TRHDE: variants seen among roughly 807,000 people sequenced by gnomAD.
The protein encoded by TRHDE is thyrotropin releasing hormone degrading enzyme.
In TRHDE, 72 loss-of-function variants were observed where a neutral mutation model predicts 125.7. The ratio of observed to expected loss-of-function variants is 0.57; its 90% CI spans 0.47 to 0.70. The LOEUF is 0.70. Ranked by LOEUF, TRHDE falls within the 30% of genes least tolerant of loss-of-function variation. The pLI, the probability that TRHDE is intolerant of heterozygous loss-of-function variation, is 0.00. For synonymous variants in TRHDE, 509 were observed against 509.1 expected (o/e 1.00, Z 0.00); for missense variants, 1,110 against 1,327.1 (o/e 0.84, Z 2.54).
At chr12:72,363,521 A>C (rs1452289772) in intron 2 of TRHDE, among the ~76,000 whole-genome samples, 1 of 152,100 alleles carries the variant, frequency 6.6e-6, no homozygotes, top group Non-Finnish European at 1.5e-5. Flanking sequence ...GACAAAAGCC[A>C]CATGATTATC....
At chr12:72,660,655 T>G (rs941544330) in intron 18 of TRHDE, among the ~76,000 whole-genome samples, 1 of 152,202 alleles carries the variant, frequency 6.6e-6, no homozygotes, top group Non-Finnish European at 1.5e-5. Flanking sequence ...TGATTAATAA[T>G]GTTTATACTA....
intron 3 of TRHDE, among the ~76,000 whole-genome samples, chr12:72,382,879 A>G (rs1287160143): frequency 1.3e-5 from 2 of 152,116 alleles, no homozygotes; most frequent in African/African-American, 4.8e-5. Context: ...CTGCAGCCTC[A>G]TCTCATGCTA....
intron 15 of TRHDE, among the ~76,000 whole-genome samples, chr12:72,623,832 G>A (rs542009772): frequency 3.3e-5 from 5 of 152,024 alleles, no homozygotes; most frequent in South Asian, 2.1e-4. Context: ...TAATAATTGC[G>A]GTCACGTTTG....
intron 3 of TRHDE, among the ~76,000 whole-genome samples, chr12:72,403,009 A>C (rs993173297): frequency 1.3e-5 from 2 of 152,214 alleles, no homozygotes; most frequent in Admixed American, 1.3e-4. Flanking sequence ...TTCTGGCAGA[A>C]GATCACATAC....
intron 2 of TRHDE, among the ~76,000 whole-genome samples, chr12:72,196,581 TC>T (rs1877447096): frequency 6.6e-6 from 1 of 152,108 alleles, no homozygotes; most frequent in African/African-American, 2.4e-5. Context: ...TAGAATGAAC[TC>T]TTAAAACTTC....
At position 72,372,862 on chromosome 12, in the gene TRHDE, T is replaced by G. The variant is rs531979750; in HGVS notation, c.1189-5133T>G. On this transcript the variant is annotated intron_variant, in intron 2 of 18. Coordinates refer to ENST00000261180, the MANE Select transcript of TRHDE (RefSeq NM_013381.3). ...TTGTTCTTTTGGCTTAGGATTGACT[T>G]GGCGATGTGGGCTCTTTTTTGGTTC... is the stretch of plus-strand genomic sequence containing the variant. Among the ~76,000 whole-genome samples the G allele has an allele frequency of 1.4e-4, 22 of 152,370 alleles. No homozygotes were observed. The South Asian group carries it at 4.1e-3, about 29-fold the overall frequency.
intron 5 of TRHDE, among the ~76,000 whole-genome samples, chr12:72,486,289 T>G (rs1877403998): frequency 6.6e-6 from 1 of 152,116 alleles, no homozygotes; most frequent in Non-Finnish European, 1.5e-5. Flanking sequence ...GGTGCTATAA[T>G]AGTTAGTTTT....
intron 2 of TRHDE, among the ~76,000 whole-genome samples, chr12:72,210,534 A>G (rs577275842): frequency 5.3e-5 from 8 of 152,342 alleles, no homozygotes; most frequent in African/African-American, 1.9e-4. Flanking sequence ...TAATATTTTT[A>G]AAAAGAGAAA....
chr12:72,387,398 C>T (rs528767452), intron 3 of TRHDE, among the ~76,000 whole-genome samples: 21 of 152,132 alleles, frequency 1.4e-4, no homozygotes, highest in East Asian at 7.7e-4. Flanking sequence ...TGCTAGTATT[C>T]GCATTCCAAC....
chr12:72,224,130 CTATCTATCTATT>C (rs1565666663), intron 2 of TRHDE, among the ~76,000 whole-genome samples: 14,255 of 80,278 alleles, frequency 0.18, 895 homozygotes, highest in African/African-American at 0.19. Flanking sequence ...ATCTATCTAT[CTATCTATCTATT>C]TATCTATGTA....
intron 2 of TRHDE, among the ~76,000 whole-genome samples, chr12:72,245,159 C>T (rs112532229): frequency 1.9e-4 from 29 of 151,806 alleles, no homozygotes; most frequent in South Asian, 8.3e-4. Context: ...ATTAGTTGTG[C>T]GGCATAAATA....
chr12:72,517,712 T>C (rs1247390448), intron 6 of TRHDE, among the ~76,000 whole-genome samples: 42 of 151,966 alleles, frequency 2.8e-4, no homozygotes, highest in African/African-American at 9.9e-4. Context: ...GCTGTTGCTT[T>C]TCTAGTTCTT....
In TRHDE at chr12:72,192,360, T is replaced by C. The variant is rs570399308; in HGVS notation, n.279+86608T>C. 6.6e-5 allele frequency among the ~76,000 whole-genome samples: 10 copies of C among 152,238 alleles called. No homozygotes were observed. The South Asian group carries it at 1.9e-3, about 28-fold the overall frequency. On this transcript the variant is annotated intron_variant and non_coding_transcript_variant, in intron 2 of 4. Coordinates refer to the TRHDE transcript ENST00000548156. ...AGCCGAAGTTTAAAATAGAAATCAA[T>C]TAATTGTCTTGCCCTTTTAAGACAG...
At chr12:72,227,747 A>G (rs1329664843) in intron 2 of TRHDE, among the ~76,000 whole-genome samples, 1 of 152,220 alleles carries the variant, frequency 6.6e-6, no homozygotes, top group Non-Finnish European at 1.5e-5. Context: ...TACTTCCTAG[A>G]TACAATGGGG....
chr12:72,134,238 CT>C (rs1875930416), intron 2 of TRHDE, among the ~76,000 whole-genome samples: 2 of 152,188 alleles, frequency 1.3e-5, no homozygotes, highest in South Asian at 4.1e-4. Context: ...TTTCTGGACA[CT>C]TTCCAGAAAG....
chr12:72,127,242 G>A (rs139361942), intron 2 of TRHDE, among the ~76,000 whole-genome samples: 1 of 152,202 alleles, frequency 6.6e-6, no homozygotes, highest in African/African-American at 2.4e-5. Flanking sequence ...CACTGTTGGT[G>A]GGAATGTAAA....
At chr12:72,587,033 T>A (rs1279815375) in intron 12 of TRHDE, among the ~76,000 whole-genome samples, 1 of 152,164 alleles carries the variant, frequency 6.6e-6, no homozygotes, top group African/African-American at 2.4e-5. Flanking sequence ...GCATTCCCAG[T>A]GTGCAAATAT....
At chr12:72,416,082 GT>G (rs370502795) in intron 3 of TRHDE, among the ~76,000 whole-genome samples, 16 of 151,254 alleles carry the variant, frequency 1.1e-4, no homozygotes, top group African/African-American at 2.4e-4. Context: ...GTTATTGCCT[GT>G]TTTTTTTAAC....
At chr12:72,624,216 T>C (rs1873166069) in intron 15 of TRHDE, among the ~76,000 whole-genome samples, 1 of 151,920 alleles carries the variant, frequency 6.6e-6, no homozygotes, top group Non-Finnish European at 1.5e-5. Flanking sequence ...TGGTGCTGAG[T>C]TTAATCTCAA....
Sources: gnomAD v4.1 joint callset for allele counts (sites outside exome capture counted in the v4.1 genomes callset) on GRCh38, gnomAD v4.1.1 for gene constraint, MANE v1.5 for transcripts, NCBI Gene and HGNC (gene_info 2026-07-23, HGNC 2026-07-21) for gene names.